SLC11A2: variants seen among roughly 807,000 people sequenced by gnomAD.
The protein encoded by SLC11A2 is natural resistance-associated macrophage protein 2.
SLC11A2 carries 38 observed loss-of-function variants against 68.0 expected under a neutral mutation model. The ratio of observed to expected loss-of-function variants is 0.56; its 90% confidence interval spans 0.43 to 0.73. SLC11A2 has a LOEUF of 0.73. Ranked by LOEUF, SLC11A2 falls within the 30% of genes least tolerant of loss-of-function variation. The pLI is 0.00. For missense variants in SLC11A2, 517 were observed against 690.5 expected (o/e 0.75, Z 2.82); for synonymous variants, 242 against 250.6 (o/e 0.97, Z 0.32).
intron 5 of SLC11A2, 108 bp from the exon 6 acceptor site, chr12:51,000,527 A>T (rs2136243819): frequency 1.3e-6 from 1 of 799,556 alleles, no homozygotes; most frequent in Non-Finnish European, 2.2e-6. Context: ...AGTCCTTTAT[A>T]AGCCTCCAGA....
chr12:51,026,903 G>A (rs1313597376), upstream of SLC11A2, among the ~76,000 whole-genome samples: 2 of 152,084 alleles, frequency 1.3e-5, no homozygotes, highest in Non-Finnish European at 1.5e-5. Flanking sequence ...AAGGCCGGGC[G>A]CGGTGGCTCA....
Position 50,986,487 on chromosome 12 carries a change from T to C in SLC11A2, c.*1838A>G, listed in dbSNP as rs1258502908. On this transcript the variant is annotated 3_prime_UTR_variant, in exon 16 of 16. Coordinates refer to ENST00000262052, the MANE Select transcript of SLC11A2 (RefSeq NM_000617.3). Reference sequence around the variant, plus strand: ...GAATACTAGCAGCTTTTACCTAGGCTCCTAAATGCTTGTAAATCTGAGACT... The same window carrying C: ...GAATACTAGCAGCTTTTACCTAGGCCCCTAAATGCTTGTAAATCTGAGACT... The C allele has an allele frequency of 1.6e-6, 2 of 1,285,550 alleles. No homozygotes were observed. Among genetic ancestry groups the C allele is most frequent in the East Asian group, 1.1e-4 (2 of 18,032 alleles). The allele number at this position is 1,285,550 out of a possible 1,614,324, so 79.6% of individuals were successfully genotyped here.
At chr12:50,984,034 CAGG>C (rs1211116375), downstream of SLC11A2, among the ~76,000 whole-genome samples, 1 of 151,354 alleles carries the variant, frequency 6.6e-6, no homozygotes, top group African/African-American at 2.4e-5. Flanking sequence ...GAGGCTGAGG[CAGG>C]AGAATTGCTT....
intron 1 of SLC11A2, among the ~76,000 whole-genome samples, chr12:51,012,591 G>A (rs574941426): frequency 1.6e-4 from 25 of 152,192 alleles, no homozygotes; most frequent in African/African-American, 5.8e-4. Context: ...TTCAGGTTTT[G>A]GGTAATCTTT....
At chr12:50,965,819 C>T in the SLC11A2 span, among the ~76,000 whole-genome samples, 1 of 152,170 alleles carries the variant, frequency 6.6e-6, no homozygotes, top group Non-Finnish European at 1.5e-5. Context: ...GGAAGACTTA[C>T]ATCTATTTTT....
downstream of SLC11A2, among the ~76,000 whole-genome samples, chr12:50,984,610 G>C (rs995118647): frequency 7.9e-5 from 12 of 152,144 alleles, no homozygotes; most frequent in Admixed American, 6.5e-4. Context: ...CCTGGAAATA[G>C]GCTAAAATAC....
chr12:51,003,107 G>A (rs1446876173), intron 5 of SLC11A2, among the ~76,000 whole-genome samples: 1 of 150,306 alleles, frequency 6.7e-6, no homozygotes, highest in Non-Finnish European at 1.5e-5. Flanking sequence ...ATGGTGGCAG[G>A]CACCTGTAAT....
intron 1 of SLC11A2, among the ~76,000 whole-genome samples, chr12:51,012,960 C>T (rs1320155943): frequency 3.9e-5 from 6 of 152,206 alleles, no homozygotes; most frequent in Non-Finnish European, 4.4e-5. Flanking sequence ...ATTCCAATCA[C>T]AGCACAGCCC....
At chr12:50,999,529 G>T in intron 6 of SLC11A2, 114 bp from the exon 7 acceptor site, 1 of 849,614 alleles carries the variant, frequency 1.2e-6, no homozygotes, top group Non-Finnish European at 2.0e-6. Flanking sequence ...GCTAGGACTT[G>T]AGGGAGGAGG....
chr12:51,006,674 T>C (rs1942757571), intron 3 of SLC11A2, among the ~76,000 whole-genome samples: 1 of 152,204 alleles, frequency 6.6e-6, no homozygotes, highest in South Asian at 2.1e-4. Flanking sequence ...AATAAAAACC[T>C]TGGTCTTCAC....
At chr12:51,000,209 ATTGAG>A (rs1942083720) in intron 6 of SLC11A2, 99 bp downstream of exon 6, 1 of 819,946 alleles carries the variant, frequency 1.2e-6, no homozygotes. Context: ...AGAAATAACA[ATTGAG>A]TTGAGTCTTC....
At chr12:51,014,804 G>T (rs1215825543) in intron 1 of SLC11A2, among the ~76,000 whole-genome samples, 1 of 152,072 alleles carries the variant, frequency 6.6e-6, no homozygotes, top group Non-Finnish European at 1.5e-5. Context: ...AGTGAGCCGA[G>T]ATCATGCCAC....
rs12316220 is a variant in SLC11A2, at chr12:51,013,168, T to C, written c.-38-2402A>G. 1.2e-3 allele frequency among the ~76,000 whole-genome samples: 186 copies of C among 152,284 alleles called. 2 individuals carry two copies. The highest frequency in any genetic ancestry group is 4.5e-3 in the African/African-American group (185 of 41,554). On this transcript the variant is annotated intron_variant, in intron 1 of 15. Coordinates refer to ENST00000262052, the MANE Select transcript of SLC11A2 (RefSeq NM_000617.3). Reference sequence around the variant, plus strand: ...AGTACATCAATTAGTCTTGGGCTATTTGATATGAGGCAAACAGTCCTTCCT... The same window carrying C: ...AGTACATCAATTAGTCTTGGGCTATCTGATATGAGGCAAACAGTCCTTCCT...
the SLC11A2 span, among the ~76,000 whole-genome samples, chr12:50,973,872 T>C: frequency 2.0e-5 from 3 of 152,072 alleles, no homozygotes; most frequent in East Asian, 5.8e-4. Context: ...TTCGATCAAC[T>C]AGAAGAAAGG....
chr12:51,005,311 C>T lies in SLC11A2; in HGVS notation c.309G>A (p.Lys103=). The change falls in exon 4 of 16, where the codon AAG becomes AAA. Residue 103 remains lysine, a splice_region_variant and synonymous_variant. Transcript: ENST00000262052. ...GACAGGGGTAGGACTAGATGTTCAC[C>T]TTAAATCCAGCCACTGCTCCAGACT... ...DLQSGAVAGF[K]LLWILLLATL... The T allele has an allele frequency of 6.2e-7, 1 of 1,613,834 alleles. No homozygotes were observed. Among genetic ancestry groups the T allele is most frequent in the Non-Finnish European group, 8.5e-7 (1 of 1,179,822 alleles).
chr12:50,965,694 A>T, the SLC11A2 span, among the ~76,000 whole-genome samples: 3 of 152,182 alleles, frequency 2.0e-5, no homozygotes, highest in African/African-American at 7.2e-5. Flanking sequence ...AGTATGGATT[A>T]GTGTCAATTT....
the SLC11A2 span, among the ~76,000 whole-genome samples, chr12:50,958,692 AAATGCAGGGATT>A: frequency 3.6e-3 from 555 of 152,224 alleles, 6 homozygotes; most frequent in African/African-American, 0.013. Context: ...ATGGAAGGTC[AAATGCAGGGATT>A]AATGGGAAAG....
intron 8 of SLC11A2, among the ~76,000 whole-genome samples, chr12:50,997,550 G>A (rs998607404): frequency 4.0e-5 from 6 of 151,602 alleles, no homozygotes; most frequent in African/African-American, 1.5e-4. Context: ...AAATTACCTC[G>A]GTGTGGTGGT....
In SLC11A2 at chr12:51,005,364, C is replaced by A; in HGVS notation, c.256G>T (p.Asp86Tyr). 2 of 1,613,996 alleles carry A rather than the reference C, an allele frequency of 1.2e-6. No homozygotes were observed. The highest frequency in any genetic ancestry group is 2.7e-5 in the African/African-American group (2 of 75,030). ...AAATCGGATTCAATATTTCCTGGAT[C>A]CAGGTAGGCAATGCTCATAAGAAAA... is the stretch of plus-strand genomic sequence containing the variant. ...PGFLMSIAYL[D>Y]PGNIESDLQS... is the part of the protein sequence containing the mutation. Residue 86 changes from aspartate to tyrosine, a missense_variant, in exon 4 of 16, where the codon GAT becomes TAT. Coordinates refer to ENST00000262052, the MANE Select transcript of SLC11A2 (RefSeq NM_000617.3).
Sources: allele counts gnomAD v4.1 joint callset (sites outside exome capture counted in the v4.1 genomes callset), GRCh38; gene constraint gnomAD v4.1.1; transcripts MANE v1.5; gene names NCBI Gene and HGNC (gene_info 2026-07-23, HGNC 2026-07-21).